The following SMC1A variants were observed in gnomAD, a reference collection of about 807,000 sequenced individuals.
The protein encoded by SMC1A is structural maintenance of chromosomes 1A.
SMC1A carries 4 observed loss-of-function variants against 94.5 expected under a neutral mutation model. That is an observed-to-expected ratio of 0.04 (90% CI 0.02 to 0.10). The LOEUF is 0.10. Among genes scored for constraint, SMC1A ranks in the 10% least tolerant of loss-of-function variants. The pLI is 1.00. For missense variants in SMC1A, 304 were observed against 989.0 expected (o/e 0.31, Z 9.29); for synonymous variants, 345 against 347.7 (o/e 0.99, Z 0.09).
chrX:53,382,203 C>T (rs782308470), intron 22 of SMC1A, 29 bp downstream of exon 22: 5 of 1,209,341 alleles, frequency 4.1e-6, no homozygotes, highest in South Asian at 1.8e-5. Context: ...TCAGTCTCTT[C>T]GTCAACTGCC....
Position 53,375,105 on chromosome X carries a change from A to G in SMC1A, c.*4998T>C, listed in dbSNP as rs899071356. 4.4e-5 allele frequency: 5 copies of G among 112,512 alleles called. No homozygotes were observed. The highest frequency in any genetic ancestry group is 9.4e-5 in the Non-Finnish European group (5 of 53,301). 9.3% of individuals were successfully genotyped at this position (112,512 alleles called of 1,213,427 possible). A position where few individuals can be genotyped will look rare whatever the true frequency, so the allele number is the denominator to read the frequency against. On this transcript the variant is annotated 3_prime_UTR_variant, in exon 25 of 25. Transcript: ENST00000322213. Reference sequence around the variant, plus strand: ...AGGTCACATGGTACAGAGCATGGCAACTTATGCTAAGGAAACCCCTTAGAA... The same window carrying G: ...AGGTCACATGGTACAGAGCATGGCAGCTTATGCTAAGGAAACCCCTTAGAA...
upstream of SMC1A, chrX:53,422,713 GA>G (rs1255131557): frequency 3.7e-6 from 2 of 542,530 alleles, no homozygotes; most frequent in Non-Finnish European, 6.6e-6. Context: ...AATGTCGCGA[GA>G]ATACGTCCAG....
intron 19 of SMC1A, among the ~76,000 whole-genome samples, chrX:53,387,514 C>T (rs782692698): frequency 2.7e-5 from 3 of 111,647 alleles, no homozygotes; most frequent in East Asian, 2.8e-4. Context: ...ACAAAAAAAC[C>T]GCATTTAATA....
At chrX:53,409,005 A>G in intron 9 of SMC1A, 57 bp downstream of exon 9, 1 of 1,103,606 alleles carries the variant, frequency 9.1e-7, no homozygotes, top group South Asian at 1.8e-5. Context: ...GCTGCTGGGA[A>G]AATCGTGTGA....
At chrX:53,387,088 C>T (rs1556886524) in intron 19 of SMC1A, among the ~76,000 whole-genome samples, 4 of 112,062 alleles carry the variant, frequency 3.6e-5, no homozygotes, top group Non-Finnish European at 5.6e-5. Flanking sequence ...CTCTGCCTCC[C>T]AGGTTCACAC....
Position 53,415,021 on chromosome X carries a change from C to T in SMC1A, c.258G>A (p.Glu86=), listed in dbSNP as rs1244236242. The T allele has an allele frequency of 2.5e-6, 3 of 1,211,424 alleles. No homozygotes were observed. Among genetic ancestry groups the T allele is most frequent in the Non-Finnish European group, 3.4e-6 (3 of 895,425 alleles). ...CAAAGGTACGGTCCTCAGCACCCTC[C>T]TCAGAGTAGACCATGCTGACAAAGG... ...NRAFVSMVYS[E]EGAEDRTFAR... Residue 86 remains glutamate (E), a synonymous_variant, in exon 2 of 25, where the codon GAG becomes GAA. Coordinates refer to ENST00000322213, the MANE Select transcript of SMC1A (RefSeq NM_006306.4).
At chrX:53,404,300 T>C (rs781993768) in intron 13 of SMC1A, among the ~76,000 whole-genome samples, 14 of 109,939 alleles carry the variant, frequency 1.3e-4, no homozygotes, top group African/African-American at 4.3e-4. Flanking sequence ...AACACATTAA[T>C]ATACCTAGAA....
Position 53,414,854 on chromosome X carries a change from G to A in SMC1A, c.315C>T (p.Tyr105=), listed in dbSNP as rs1280270723. The stretch of plus-strand genomic sequence containing the variant: ...GTTGGACCACTTTGTTGTTGATCTT[G>A]TACTCAGAAGAACCTCCTACAAGAC... The part of the protein sequence containing the change: ...ARVIVGGSSE[Y]KINNKVVQLH... Residue 105 remains tyrosine, a synonymous_variant, in exon 3 of 25, where the codon TAC becomes TAT. Coordinates refer to ENST00000322213, the MANE Select transcript of SMC1A (RefSeq NM_006306.4). 2 of 1,203,626 alleles carry A rather than the reference G, an allele frequency of 1.7e-6. No individual in the cohort carries two copies. The highest frequency in any genetic ancestry group is 3.5e-5 in the African/African-American group (2 of 57,594).
Position 53,379,765 on chromosome X carries a change from A to G in SMC1A, c.*338T>C. 1 of 338,484 alleles carries G rather than the reference A, an allele frequency of 3.0e-6. No individual in the cohort carries two copies. The highest frequency in any genetic ancestry group is 5.2e-6 in the Non-Finnish European group (1 of 191,807). The allele number at this position is 338,484 out of a possible 1,213,427, so 27.9% of individuals were successfully genotyped here. On this transcript the variant is annotated 3_prime_UTR_variant, in exon 25 of 25. Transcript: ENST00000322213. ...CACATGCACACATGCGGATACATAC[A>G]TACACACATACATACCCACACACAC... is the stretch of plus-strand genomic sequence containing the variant.
rs2075576458 is a variant in SMC1A, at chrX:53,380,148, G to A, written c.3657C>T (p.Asp1219=). 8.3e-7 allele frequency: 1 copy of A among 1,208,820 alleles called. No homozygotes were observed. The highest frequency in any genetic ancestry group is 1.7e-5 in the African/African-American group (1 of 57,633). Residue 1219 remains aspartate (D), a synonymous_variant, in exon 25 of 25, where the codon GAC becomes GAT. Transcript: ENST00000322213. The part of the protein sequence containing the change: ...DCVISKVLTF[D]LTKYPDANPN... ...GGTTGGCATCTGGGTACTTGGTGAG[G>A]TCGAAGGTCAGGACTTTGCTGATCA...
chrX:53,392,263 G>A (rs1328545290), intron 19 of SMC1A, among the ~76,000 whole-genome samples: 2 of 108,221 alleles, frequency 1.8e-5, no homozygotes, highest in Non-Finnish European at 3.8e-5. Context: ...GTGGTGGCAG[G>A]TGCCCATAGT....
chrX:53,402,867 T>C (rs2075675813), intron 15 of SMC1A, among the ~76,000 whole-genome samples: 1 of 504 alleles, frequency 2.0e-3, no homozygotes, highest in Non-Finnish European at 0.011. Context: ...AGACTCTGTC[T>C]CAAAAAAAAA....
chrX:53,410,011 A>G (rs1485511831), intron 7 of SMC1A, among the ~76,000 whole-genome samples: 1 of 112,304 alleles, frequency 8.9e-6, no homozygotes, highest in African/African-American at 3.2e-5. Flanking sequence ...ACGCCTGGCC[A>G]ACATTCTTTT....
intron 3 of SMC1A, among the ~76,000 whole-genome samples, 200 bp from the exon 4 acceptor site, chrX:53,413,635 T>C (rs1424023622): frequency 9.0e-6 from 1 of 111,290 alleles, no homozygotes; most frequent in Non-Finnish European, 1.9e-5. Context: ...CAACAAAGTG[T>C]TATGTGCAGT....
At chrX:53,399,477 T>C (rs1295181556) in intron 16 of SMC1A, 112 bp downstream of exon 16, 3 of 743,677 alleles carry the variant, frequency 4.0e-6, no homozygotes, top group Admixed American at 2.6e-5. Flanking sequence ...ATTTTTCTTA[T>C]TGATTTAGAT....
At chrX:53,382,765 G>GATCCC (rs1233971215) in intron 20 of SMC1A, 105 bp from the exon 21 acceptor site, 3 of 984,323 alleles carry the variant, frequency 3.0e-6, no homozygotes, top group East Asian at 6.2e-5. Flanking sequence ...AATGCCTGAG[G>GATCCC]AGGGTCCCAG....
chrX:53,389,842 C>CTTTTTTTT (rs1193457348), intron 19 of SMC1A, among the ~76,000 whole-genome samples: 15 of 55,093 alleles, frequency 2.7e-4, no homozygotes, highest in African/African-American at 6.6e-4. Flanking sequence ...TCCAGAATTT[C>CTTTTTTTT]TTTTTTTTTT....
At chrX:53,398,150 T>G (rs1255250619) in intron 16 of SMC1A, among the ~76,000 whole-genome samples, 3 of 97,758 alleles carry the variant, frequency 3.1e-5, no homozygotes, top group Non-Finnish European at 6.1e-5. Flanking sequence ...ACTATTGCAC[T>G]CTAGCCTAGG....
rs1799856394 is a variant in SMC1A at position 53,378,100 on chromosome X, C to T, written c.*2003G>A. On this transcript the variant is annotated 3_prime_UTR_variant, in exon 25 of 25. Transcript: ENST00000322213. Reference sequence around the variant, plus strand: ...AATGATATAGGATAACAATGTTAGACCTCAGATCAACCTCAAGAAAAATAC... The same window carrying T: ...AATGATATAGGATAACAATGTTAGATCTCAGATCAACCTCAAGAAAAATAC... 8.9e-6 allele frequency: 1 copy of T among 111,983 alleles called. No individual in the cohort carries two copies. Among genetic ancestry groups the T allele is most frequent in the South Asian group, 3.7e-4 (1 of 2,700 alleles). 9.2% of individuals were successfully genotyped at this position (111,983 alleles called of 1,213,427 possible). A position where few individuals can be genotyped will look rare whatever the true frequency, so the allele number is the denominator to read the frequency against.
Sources: allele counts gnomAD v4.1 joint callset (sites outside exome capture counted in the v4.1 genomes callset), GRCh38; gene constraint gnomAD v4.1.1; transcripts MANE v1.5; gene names NCBI Gene and HGNC (gene_info 2026-07-23, HGNC 2026-07-21).